Variants in OR51C1 observed in about 807,000 individuals in gnomAD.
OR51C1 encodes the protein olfactory receptor OR51C1.
chr11:4,690,519 A>G, the OR51C1 span: 1 of 197,460 alleles, frequency 5.1e-6, no homozygotes, highest in Non-Finnish European at 1.1e-5. Flanking sequence ...GAGAAATTTT[A>G]TATATAAGGC....
the OR51C1 span, among the ~76,000 whole-genome samples, chr11:4,692,451 C>T: frequency 6.6e-6 from 1 of 152,338 alleles, no homozygotes; most frequent in South Asian, 2.1e-4. Flanking sequence ...AAGACTAGTT[C>T]TCCAGAACAG....
the OR51C1 span, chr11:4,691,393 A>C: frequency 4.4e-6 from 2 of 457,950 alleles, no homozygotes; most frequent in Non-Finnish European, 8.8e-6. Context: ...TTAATAAAGA[A>C]CATGTGGGAC....
the OR51C1 span, chr11:4,690,790 C>G: frequency 3.6e-5 from 15 of 418,842 alleles, no homozygotes; most frequent in East Asian, 9.8e-4. Context: ...ATTTTTATCA[C>G]AGCTCTACGT....
chr11:4,694,179 A>G, the OR51C1 span, among the ~76,000 whole-genome samples: 1 of 152,058 alleles, frequency 6.6e-6, no homozygotes, highest in Non-Finnish European at 1.5e-5. Flanking sequence ...CAATTTATTC[A>G]TTGCCTATTT....
At chr11:4,695,559 G>T in the OR51C1 span, among the ~76,000 whole-genome samples, 1 of 152,108 alleles carries the variant, frequency 6.6e-6, no homozygotes, top group Admixed American at 6.6e-5. Context: ...GTCTGCTTTT[G>T]TTTATTATTC....
chr11:4,692,838 G>T, the OR51C1 span, among the ~76,000 whole-genome samples: 1 of 144,618 alleles, frequency 6.9e-6, no homozygotes, highest in Non-Finnish European at 1.5e-5. Context: ...AGGATCACCG[G>T]AAGAAGTCTT....
chr11:4,692,689 G>C, the OR51C1 span, among the ~76,000 whole-genome samples: 6 of 152,110 alleles, frequency 3.9e-5, no homozygotes, highest in South Asian at 2.1e-4. Context: ...CAATGAGAGA[G>C]AGCCAGTTGC....
the OR51C1 span, among the ~76,000 whole-genome samples, chr11:4,693,038 CT>C: frequency 1.3e-5 from 2 of 151,938 alleles, no homozygotes; most frequent in East Asian, 3.9e-4. Context: ...GATCAAACCT[CT>C]TAGAGAAATA....
chr11:4,696,186 AC>A, the OR51C1 span, among the ~76,000 whole-genome samples: 1 of 152,090 alleles, frequency 6.6e-6, no homozygotes, highest in South Asian at 2.1e-4. Flanking sequence ...TACTGTGGCT[AC>A]CCCTGAGGGA....
chr11:4,691,510 G>A, the OR51C1 span: 1 of 456,806 alleles, frequency 2.2e-6, no homozygotes, highest in East Asian at 6.9e-5. Context: ...AGCATGGAGA[G>A]GAAATAGTAC....
the OR51C1 span, among the ~76,000 whole-genome samples, chr11:4,694,187 T>C: frequency 1.3e-5 from 2 of 152,192 alleles, no homozygotes. Context: ...TCATTGCCTA[T>C]TTTCATTCTT....
chr11:4,694,038 A>G, the OR51C1 span, among the ~76,000 whole-genome samples: 1 of 152,194 alleles, frequency 6.6e-6, no homozygotes, highest in Non-Finnish European at 1.5e-5. Context: ...GTTCCTACGC[A>G]ATATCTGAGT....
the OR51C1 span, among the ~76,000 whole-genome samples, chr11:4,692,953 A>G: frequency 6.6e-6 from 1 of 152,170 alleles, no homozygotes; most frequent in East Asian, 1.9e-4. Context: ...AAATAATGAA[A>G]CTATAGCTTT....
chr11:4,694,511 T>C, the OR51C1 span, among the ~76,000 whole-genome samples: 13 of 120,908 alleles, frequency 1.1e-4, no homozygotes, highest in South Asian at 8.1e-4. Context: ...TACACACACA[T>C]ATATATATAT....
the OR51C1 span, among the ~76,000 whole-genome samples, chr11:4,697,468 C>T: frequency 2.6e-5 from 4 of 152,162 alleles, no homozygotes; most frequent in East Asian, 1.9e-4. Flanking sequence ...TCAGGCAGAA[C>T]GAAATACCCA....
chr11:4,692,934 G>A, the OR51C1 span, among the ~76,000 whole-genome samples: 4 of 152,136 alleles, frequency 2.6e-5, no homozygotes, highest in East Asian at 5.8e-4. Flanking sequence ...TAGATTACAC[G>A]ATTTGGCCAA....
At chr11:4,692,718 GAA>G in the OR51C1 span, among the ~76,000 whole-genome samples, 1 of 152,040 alleles carries the variant, frequency 6.6e-6, no homozygotes, top group East Asian at 1.9e-4. Context: ...TTCTTCAGAG[GAA>G]AAGAAAGGGT....
At chr11:4,694,562 A>G in the OR51C1 span, among the ~76,000 whole-genome samples, 3 of 95,252 alleles carry the variant, frequency 3.1e-5, no homozygotes, top group South Asian at 6.9e-4. Flanking sequence ...ACACACACAC[A>G]TACATATATA....
chr11:4,692,344 C>A, the OR51C1 span, among the ~76,000 whole-genome samples: 2 of 152,216 alleles, frequency 1.3e-5, no homozygotes, highest in African/African-American at 2.4e-5. Context: ...ATGGTTAGAA[C>A]ACAGACCTCC....
Sources: allele counts gnomAD v4.1 joint callset (sites outside exome capture counted in the v4.1 genomes callset), GRCh38; gene constraint gnomAD v4.1.1; transcripts MANE v1.5; gene names NCBI Gene and HGNC (gene_info 2026-07-23, HGNC 2026-07-21).